DOK6: variants seen among roughly 807,000 people sequenced by gnomAD.
DOK6 encodes the protein downstream of tyrosine kinase 6.
A neutral mutation model predicts 44.0 loss-of-function variants in DOK6; 22 were observed. The ratio of observed to expected loss-of-function variants is 0.50; its 90% CI spans 0.36 to 0.71. The LOEUF (loss-of-function observed/expected upper bound fraction) is 0.71. Among genes scored for constraint, DOK6 ranks in the 30% least tolerant of loss-of-function variants. DOK6 has a pLI of 0.00. For synonymous variants in DOK6, 166 were observed against 145.5 expected (o/e 1.14, Z -1.01); for missense variants, 340 against 416.4 (o/e 0.82, Z 1.60).
intron 7 of DOK6, among the ~76,000 whole-genome samples, chr18:69,796,706 T>TACTAG (rs1194640644): frequency 6.6e-6 from 1 of 152,158 alleles, no homozygotes; most frequent in East Asian, 1.9e-4. Flanking sequence ...TGTGTACAAA[T>TACTAG]ACTAGACAAA....
At chr18:69,782,172 T>A (rs1262983693) in intron 7 of DOK6, among the ~76,000 whole-genome samples, 1 of 151,932 alleles carries the variant, frequency 6.6e-6, no homozygotes, top group Non-Finnish European at 1.5e-5. Context: ...CAGAGTTTTT[T>A]AAATCCAGAA....
At chr18:69,776,259 G>T (rs1036679589) in intron 7 of DOK6, among the ~76,000 whole-genome samples, 1 of 151,818 alleles carries the variant, frequency 6.6e-6, no homozygotes, top group African/African-American at 2.4e-5. Context: ...AACAAAATTT[G>T]ACAACATAAG....
chr18:69,427,705 T>C (rs892211386), intron 1 of DOK6, among the ~76,000 whole-genome samples: 1 of 151,888 alleles, frequency 6.6e-6, no homozygotes, highest in African/African-American at 2.4e-5. Flanking sequence ...GGAATCAGCC[T>C]AAATGCCCAT....
At chr18:69,516,979 G>A (rs1293676523) in intron 1 of DOK6, among the ~76,000 whole-genome samples, 1 of 151,992 alleles carries the variant, frequency 6.6e-6, no homozygotes, top group African/African-American at 2.4e-5. Context: ...ACCATGCCAG[G>A]CCTAAAAATA....
At chr18:69,747,753 C>T (rs374493880) in intron 6 of DOK6, among the ~76,000 whole-genome samples, 1 of 152,252 alleles carries the variant, frequency 6.6e-6, no homozygotes, top group East Asian at 1.9e-4. Flanking sequence ...AAGAAAATTG[C>T]TAGGCTTTCT....
At chr18:69,452,159 T>C (rs1310534324) in intron 1 of DOK6, among the ~76,000 whole-genome samples, 17 of 151,884 alleles carry the variant, frequency 1.1e-4, no homozygotes, top group South Asian at 2.1e-4. Context: ...AATTGATAGA[T>C]CGCTAGCAAG....
chr18:69,582,658 T>C lies in DOK6; in HGVS notation c.175-16726T>C, dbSNP rs73455852. Among the ~76,000 whole-genome samples, 1,431 of 152,304 alleles carry C rather than the reference T, an allele frequency of 9.4e-3. 22 individuals carry two copies. The highest frequency in any genetic ancestry group is 0.033 in the African/African-American group (1,376 of 41,570). On this transcript the variant is annotated intron_variant, in intron 2 of 7. Transcript: ENST00000382713. ...TTTGATTAATCTGTTTTATTCCTAT[T>C]CCTTAATCCCATTCATCTTTCCATC... is the stretch of plus-strand genomic sequence containing the variant.
intron 3 of DOK6, among the ~76,000 whole-genome samples, chr18:69,612,956 A>G (rs914676070): frequency 1.3e-5 from 2 of 150,728 alleles, no homozygotes; most frequent in African/African-American, 4.9e-5. Flanking sequence ...ATCATGGCTC[A>G]CTGCAGCCTC....
intron 7 of DOK6, among the ~76,000 whole-genome samples, chr18:69,765,709 C>A (rs1008074384): frequency 8.5e-5 from 13 of 152,100 alleles, no homozygotes; most frequent in Admixed American, 7.9e-4. Flanking sequence ...AGGTTAAAAT[C>A]TTGAGTTCTG....
At chr18:69,440,725 G>A (rs941152513) in intron 1 of DOK6, among the ~76,000 whole-genome samples, 1 of 145,322 alleles carries the variant, frequency 6.9e-6, no homozygotes, top group Non-Finnish European at 1.5e-5. Context: ...TTTTTCTTCT[G>A]TGATTTTTGT....
chr18:69,506,875 GCACA>G (rs35233817), intron 1 of DOK6, among the ~76,000 whole-genome samples: 19 of 150,008 alleles, frequency 1.3e-4, no homozygotes, highest in African/African-American at 4.7e-4. Context: ...TGTTGAAAAT[GCACA>G]CACACACACA....
chr18:69,578,923 A>G (rs1359098183), intron 2 of DOK6, among the ~76,000 whole-genome samples: 1 of 152,116 alleles, frequency 6.6e-6, no homozygotes, highest in African/African-American at 2.4e-5. Context: ...GTTGCTTCAT[A>G]TTTATTTCAA....
chr18:69,802,674 T>C (rs1168423492), intron 7 of DOK6, among the ~76,000 whole-genome samples: 1 of 152,148 alleles, frequency 6.6e-6, no homozygotes, highest in Non-Finnish European at 1.5e-5. Flanking sequence ...GAGTCTGTCA[T>C]GGCCTCCCTG....
intron 1 of DOK6, among the ~76,000 whole-genome samples, chr18:69,563,216 G>A (rs1325241796): frequency 6.6e-6 from 1 of 152,170 alleles, no homozygotes; most frequent in African/African-American, 2.4e-5. Flanking sequence ...CTGTAAACTA[G>A]TTCAACCATT....
chr18:69,610,755 T>C (rs1984119076), intron 3 of DOK6, among the ~76,000 whole-genome samples: 1 of 152,198 alleles, frequency 6.6e-6, no homozygotes, highest in Non-Finnish European at 1.5e-5. Context: ...ACATAGCATT[T>C]AAATTGTATT....
chr18:69,404,713 TTTC>T (rs1916166241), intron 1 of DOK6, among the ~76,000 whole-genome samples: 1 of 152,176 alleles, frequency 6.6e-6, no homozygotes, highest in African/African-American at 2.4e-5. Flanking sequence ...ACATTTTACA[TTTC>T]TTACTCAAAC....
chr18:69,551,240 C>T (rs1982558903), intron 1 of DOK6, among the ~76,000 whole-genome samples: 1 of 152,108 alleles, frequency 6.6e-6, no homozygotes, highest in African/African-American at 2.4e-5. Context: ...AACACAGTTA[C>T]ATTAAAAAAT....
chr18:69,791,711 T>C (rs1480494225), intron 7 of DOK6, among the ~76,000 whole-genome samples: 1 of 152,122 alleles, frequency 6.6e-6, no homozygotes. Flanking sequence ...ATTGTCTCTT[T>C]ACTTTGTTGA....
At chr18:69,637,562 C>T (rs73459981) in intron 3 of DOK6, among the ~76,000 whole-genome samples, 128 of 152,240 alleles carry the variant, frequency 8.4e-4, no homozygotes, top group Non-Finnish European at 1.7e-3. Flanking sequence ...TGAAGTATTC[C>T]TGTGGTACAT....
Sources: gnomAD v4.1 joint callset for allele counts (sites outside exome capture counted in the v4.1 genomes callset) on GRCh38, gnomAD v4.1.1 for gene constraint, MANE v1.5 for transcripts, NCBI Gene and HGNC (gene_info 2026-07-23, HGNC 2026-07-21) for gene names.